Variants in PARD3B observed in about 807,000 individuals in gnomAD.
PARD3B encodes the protein partitioning defective 3 homolog B.
Under a neutral mutation model 130.2 loss-of-function variants are expected in PARD3B, and 103 were observed. That is an observed-to-expected ratio of 0.79 (90% CI 0.67 to 0.93). The LOEUF (loss-of-function observed/expected upper bound fraction) is 0.93. Among genes scored for constraint, PARD3B ranks in the 40% least tolerant of loss-of-function variants. The probability of loss-of-function intolerance (pLI) is 0.00; values close to 1 mark genes in which losing one functional copy is unlikely to be tolerated. For missense variants in PARD3B, 1,609 were observed against 1,499.2 expected (o/e 1.07, Z -1.21); for synonymous variants, 583 against 553.2 (o/e 1.05, Z -0.76).
intron 22 of PARD3B, among the ~76,000 whole-genome samples, chr2:205,573,584 C>T (rs2053635925): frequency 6.6e-6 from 1 of 152,110 alleles, no homozygotes; most frequent in Admixed American, 6.5e-5. Flanking sequence ...TAAACTGAAT[C>T]CTTGGAAGAG....
intron 2 of PARD3B, among the ~76,000 whole-genome samples, chr2:204,714,954 G>A (rs1045228772): frequency 6.6e-6 from 1 of 152,142 alleles, no homozygotes; most frequent in Non-Finnish European, 1.5e-5. Flanking sequence ...ACAATTAGAG[G>A]TATCCTAAGC....
chr2:205,434,199 C>G lies in PARD3B; in HGVS notation c.2742-6171C>G, dbSNP rs1011955537. ...TTCTTTTACACTTTAGTAAGGACATCTCATTGTAGTTTTAATTTGCATTTC... is the reference window on the plus strand; with the variant it reads ...TTCTTTTACACTTTAGTAAGGACATGTCATTGTAGTTTTAATTTGCATTTC... On this transcript the variant is annotated intron_variant, in intron 19 of 22. Coordinates refer to ENST00000406610, the MANE Select transcript of PARD3B (RefSeq NM_001302769.2). Among the ~76,000 whole-genome samples the G allele has an allele frequency of 6.6e-5, 10 of 152,276 alleles. No homozygotes were observed. In the East Asian group the frequency reaches 1.7e-3, roughly 26 times the overall value.
intron 2 of PARD3B, among the ~76,000 whole-genome samples, chr2:204,834,845 A>G (rs2043971151): frequency 6.6e-6 from 1 of 152,308 alleles, no homozygotes; most frequent in African/African-American, 2.4e-5. Context: ...AGGCACCTGC[A>G]TTTCATGAAT....
rs1366478020 is a variant in PARD3B at position 205,440,040 on chromosome 2, T to C, written c.2742-330T>C. On this transcript the variant is annotated intron_variant, in intron 19 of 22. Transcript: ENST00000406610. This position sits in a 1 kb window ranked among gnomAD's most constrained non-coding sequence, Gnocchi z 4.2. ...GGCTTCTATAATATCGAACCAAAGA[T>C]GCACTGTTCCCACAAGCACATGCCA... 1.3e-5 allele frequency among the ~76,000 whole-genome samples: 2 copies of C among 152,172 alleles called. No homozygotes were observed. Among genetic ancestry groups the C allele is most frequent in the Admixed American group, 6.5e-5 (1 of 15,276 alleles).
chr2:205,480,362 C>G (rs1474149604), intron 20 of PARD3B, among the ~76,000 whole-genome samples: 1 of 152,200 alleles, frequency 6.6e-6, no homozygotes, highest in African/African-American at 2.4e-5. Context: ...ACTTTCTTGA[C>G]TATTCAATCT....
chr2:205,307,998 A>G (rs2042243713), intron 18 of PARD3B, among the ~76,000 whole-genome samples: 1 of 152,206 alleles, frequency 6.6e-6, no homozygotes, highest in African/African-American at 2.4e-5. Flanking sequence ...CTAATGAAGA[A>G]CCAAGTACAA....
chr2:204,735,172 A>C (rs1306712983), intron 2 of PARD3B, among the ~76,000 whole-genome samples: 1 of 152,028 alleles, frequency 6.6e-6, no homozygotes, highest in Non-Finnish European at 1.5e-5. Flanking sequence ...CAAATTACTG[A>C]CTACCTTAAT....
intron 2 of PARD3B, among the ~76,000 whole-genome samples, chr2:204,770,512 A>G (rs1056629462): frequency 2.0e-5 from 3 of 151,896 alleles, no homozygotes; most frequent in East Asian, 1.9e-4. Flanking sequence ...GTAGATGTCT[A>G]TTAGGTCTGC....
At chr2:205,455,431 A>T (rs140656502) in intron 20 of PARD3B, among the ~76,000 whole-genome samples, 18 of 152,080 alleles carry the variant, frequency 1.2e-4, no homozygotes, top group African/African-American at 4.3e-4. Context: ...ATATATGCTG[A>T]TATGTGAGCA....
chr2:205,211,841 G>A (rs913004849), intron 15 of PARD3B, among the ~76,000 whole-genome samples: 8 of 152,046 alleles, frequency 5.3e-5, no homozygotes, highest in Non-Finnish European at 7.4e-5. Flanking sequence ...GTCCCCAAAC[G>A]CTTCAGAATT....
chr2:205,183,187 C>T lies in PARD3B; in HGVS notation c.1925-2577C>T, dbSNP rs962960393. ...AGTTACATAAGCAAAGATACTGAGG[C>T]AGGAACACCCAGGGGTGTTGGCAGG... On this transcript the variant is annotated intron_variant, in intron 13 of 22. Coordinates refer to ENST00000406610, the MANE Select transcript of PARD3B (RefSeq NM_001302769.2). The surrounding 1 kb of genome is among the most constrained non-coding windows in gnomAD (Gnocchi z 5.2). Among the ~76,000 whole-genome samples the T allele has an allele frequency of 3.3e-5, 5 of 152,110 alleles. No homozygotes were observed. The South Asian group carries it at 8.3e-4, about 25-fold the overall frequency.
intron 1 of PARD3B, among the ~76,000 whole-genome samples, chr2:204,569,304 TCTTTTTA>T (rs1208700060): frequency 6.6e-6 from 1 of 152,234 alleles, no homozygotes; most frequent in Non-Finnish European, 1.5e-5. Flanking sequence ...CAATATGACA[TCTTTTTA>T]CTTAGATTTA....
intron 21 of PARD3B, among the ~76,000 whole-genome samples, chr2:205,500,964 C>T (rs891462037): frequency 1.3e-5 from 2 of 152,110 alleles, no homozygotes; most frequent in African/African-American, 4.8e-5. Flanking sequence ...TGAAAGACAC[C>T]GGCTCCTTTG....
rs1220958024 is a variant in PARD3B, at chr2:205,591,117, C to G, written c.3261-24339C>G. Reference sequence around the variant, plus strand: ...ATAATCCCAAGTCTAAGTCATCCAGCATTTCTCAGAGAGGTGACATCAATG... The same window carrying G: ...ATAATCCCAAGTCTAAGTCATCCAGGATTTCTCAGAGAGGTGACATCAATG... On this transcript the variant is annotated intron_variant, in intron 22 of 22. Coordinates refer to ENST00000406610, the MANE Select transcript of PARD3B (RefSeq NM_001302769.2). The surrounding 1 kb of genome is among the most constrained non-coding windows in gnomAD (Gnocchi z 4.2). Among the ~76,000 whole-genome samples, 1 of 152,072 alleles carries G rather than the reference C, an allele frequency of 6.6e-6. No individual in the cohort carries two copies. The highest frequency in any genetic ancestry group is 2.1e-4 in the South Asian group (1 of 4,824).
intron 18 of PARD3B, among the ~76,000 whole-genome samples, chr2:205,334,924 T>C (rs1010655956): frequency 3.3e-5 from 5 of 152,230 alleles, no homozygotes; most frequent in African/African-American, 9.6e-5. Flanking sequence ...AATTGACACA[T>C]TCCTCCCTCA....
chr2:204,660,203 C>G (rs758096723), intron 1 of PARD3B, among the ~76,000 whole-genome samples: 2 of 152,096 alleles, frequency 1.3e-5, no homozygotes, highest in East Asian at 3.9e-4. Flanking sequence ...AAATTTTCAT[C>G]CCTTCTGTTG....
intron 10 of PARD3B, among the ~76,000 whole-genome samples, chr2:205,135,265 C>CA (rs2032382615): frequency 6.6e-6 from 1 of 152,170 alleles, no homozygotes; most frequent in African/African-American, 2.4e-5. Flanking sequence ...ACTTAGGGGA[C>CA]AACCTTGATT....
chr2:204,553,781 AG>A (rs2030717201), intron 1 of PARD3B, among the ~76,000 whole-genome samples: 1 of 149,634 alleles, frequency 6.7e-6, no homozygotes, highest in South Asian at 2.1e-4. Context: ...ATGAGATTGG[AG>A]ACTATTACGG....
At chr2:205,134,838 G>C (rs540314202) in intron 10 of PARD3B, among the ~76,000 whole-genome samples, 1 of 152,158 alleles carries the variant, frequency 6.6e-6, no homozygotes, top group African/African-American at 2.4e-5. Flanking sequence ...TTGCTGGGTT[G>C]TATGGCTTCC....
Sources: gnomAD v4.1 joint callset for allele counts (sites outside exome capture counted in the v4.1 genomes callset) on GRCh38, gnomAD v4.1.1 for gene constraint, Gnocchi (gnomAD v3.1) non-coding constraint, MANE v1.5 for transcripts, NCBI Gene and HGNC (gene_info 2026-07-23, HGNC 2026-07-21) for gene names.